AMOTL2: variants seen among roughly 807,000 people sequenced by gnomAD.
AMOTL2 encodes angiomotin-like protein 2.
A neutral mutation model predicts 78.4 loss-of-function variants in AMOTL2; 33 were observed. The ratio of observed to expected loss-of-function variants is 0.42; its 90% CI spans 0.32 to 0.56. The LOEUF (loss-of-function observed/expected upper bound fraction) is 0.56, where lower values mean the gene tolerates loss of function less well. Ranked by LOEUF, AMOTL2 falls within the 20% of genes least tolerant of loss-of-function variation. The pLI is 0.12. For missense variants in AMOTL2, 983 were observed against 1,030.1 expected, an observed-to-expected ratio of 0.95 and a Z score of 0.63; for synonymous variants, 422 against 428.8, an observed-to-expected ratio of 0.98 and a Z score of 0.20.
rs189858003 is a variant in AMOTL2, at chr3:134,366,675, C to G, written c.1042-248G>C. 3.3e-5 allele frequency: 14 copies of G among 419,726 alleles called. No homozygotes were observed. The Admixed American group carries it at 5.0e-4, about 15-fold the overall frequency. 26.0% of individuals were successfully genotyped at this position (419,726 alleles called of 1,614,324 possible). ...ACCAGATGCTGAGTGAACCCAGGGC[C>G]AGGTACTTTGGAAGTAGCTGCCTGC... On this transcript the variant is annotated intron_variant, in intron 3 of 9. Coordinates refer to ENST00000249883, the MANE Select transcript of AMOTL2 (RefSeq NM_016201.4).
At chr3:134,366,877 A>G (rs1210722755) in intron 3 of AMOTL2, 1 of 158,110 alleles carries the variant, frequency 6.3e-6, no homozygotes, top group East Asian at 1.9e-4. Flanking sequence ...GGGAGGCCTG[A>G]GGCCATCTGC....
At chr3:134,374,918 T>G, upstream of AMOTL2, 1 of 1,271,814 alleles carries the variant, frequency 7.9e-7, no homozygotes, top group South Asian at 1.6e-5. Context: ...TGTGTGTGTG[T>G]GTGTGTGTGC....
upstream of AMOTL2, chr3:134,374,487 G>C (rs1280336535): frequency 4.1e-6 from 4 of 985,436 alleles, no homozygotes; most frequent in Non-Finnish European, 2.4e-6. Context: ...GGGTCGGCCC[G>C]CGCCGGAGGC....
At chr3:134,375,021 T>C, upstream of AMOTL2, 3 of 1,437,486 alleles carry the variant, frequency 2.1e-6, no homozygotes, top group Non-Finnish European at 2.7e-6. Context: ...GCTAAGTGAA[T>C]GCTTCCAGCC....
intron 3 of AMOTL2, chr3:134,366,829 G>C (rs1432373800): frequency 5.7e-6 from 1 of 175,342 alleles, no homozygotes; most frequent in Non-Finnish European, 1.2e-5. Context: ...GCCATGATGG[G>C]GTGGTTTGAC....
At position 134,367,803 on chromosome 3, in the gene AMOTL2, C is replaced by G; in HGVS notation, c.735G>C (p.Arg245Ser). The change falls in exon 3 of 10, where the codon AGG becomes AGC. Residue 245 changes from arginine (R) to serine (S), a missense_variant and splice_region_variant. Coordinates refer to ENST00000249883, the MANE Select transcript of AMOTL2 (RefSeq NM_016201.4). ...CAGGAGGCACCTGGGCCTGCAGGAT[C>G]CTGGGGAACAGAAGAGACGGTGCTC... ...GSPHFQHAEV[R>S]ILQAQVPPVF... 6.2e-7 allele frequency: 1 copy of G among 1,613,262 alleles called. No homozygotes were observed. Among genetic ancestry groups the G allele is most frequent in the Non-Finnish European group, 8.5e-7 (1 of 1,179,952 alleles).
intron 2 of AMOTL2, among the ~76,000 whole-genome samples, chr3:134,369,830 C>G (rs1047244549): frequency 6.6e-6 from 1 of 152,180 alleles, no homozygotes; most frequent in Admixed American, 6.5e-5. Context: ...GTCTGCTTCT[C>G]TGGAAAAGAT....
intron 6 of AMOTL2, 45 bp from the exon 7 acceptor site, chr3:134,360,458 G>A (rs764985432): frequency 8.4e-6 from 13 of 1,551,212 alleles, no homozygotes; most frequent in African/African-American, 1.4e-5. Context: ...TGCAGGTTGG[G>A]GTGTGGCAGC....
intron 1 of AMOTL2, chr3:134,373,721 A>G (rs2017972272): frequency 6.1e-6 from 6 of 985,246 alleles, no homozygotes; most frequent in Non-Finnish European, 7.2e-6. Context: ...GCCTGGGGCG[A>G]GCCGGTGAGG....
rs1277339408 is a variant in AMOTL2, at chr3:134,374,447, T to G, written c.-167A>C. The G allele has an allele frequency of 1.0e-6, 1 of 985,328 alleles. No homozygotes were observed. Among genetic ancestry groups the G allele is most frequent in the South Asian group, 4.7e-5 (1 of 21,292 alleles). 61.0% of individuals were successfully genotyped at this position (985,328 alleles called of 1,614,324 possible). ...GTTCTCGGCCGTGGCGCCGACGCTCTGGCTGTTCGCGCCCCAGCGCGCAGC... is the reference window on the plus strand; with the variant it reads ...GTTCTCGGCCGTGGCGCCGACGCTCGGGCTGTTCGCGCCCCAGCGCGCAGC... On this transcript the variant is annotated 5_prime_UTR_variant, in exon 1 of 10. Transcript: ENST00000249883.
chr3:134,371,900 A>G (rs1314220246), intron 1 of AMOTL2: 1 of 196,112 alleles, frequency 5.1e-6, no homozygotes, highest in African/African-American at 2.3e-5. Flanking sequence ...CCACCCGTAC[A>G]GCCAGCTACA....
chr3:134,359,216 TGGCAATCTGTGTTCA>T, intron 8 of AMOTL2, 52 bp downstream of exon 8: 1 of 1,556,894 alleles, frequency 6.4e-7, no homozygotes. Context: ...AGGAAAGGTC[TGGCAATCTGTGTTCA>T]GGCCCAGGAG....
At chr3:134,370,358 T>C (rs1320149114) in intron 2 of AMOTL2, among the ~76,000 whole-genome samples, 3 of 152,222 alleles carry the variant, frequency 2.0e-5, no homozygotes, top group African/African-American at 7.2e-5. Flanking sequence ...GGAAACAGTT[T>C]GGCAATCATT....
Position 134,371,194 on chromosome 3 carries a change from C to T in AMOTL2, c.240G>A (p.Gln80=), listed in dbSNP as rs2017846965. 6.2e-7 allele frequency: 1 copy of T among 1,613,812 alleles called. No individual in the cohort carries two copies. The highest frequency in any genetic ancestry group is 2.2e-5 in the East Asian group (1 of 44,870). Residue 80 remains glutamine (Q), a synonymous_variant, in exon 2 of 10, where the codon CAG becomes CAA. Transcript: ENST00000249883. The part of the protein sequence containing the change: ...TRQEPQGQEH[Q]GGENHLAENT... ...TCTCTGCCAGGTGGTTCTCACCGCC[C>T]TGGTGCTCCTGGCCCTGGGGCTCCT...
At chr3:134,362,633 A>C (rs1455530108) in intron 5 of AMOTL2, among the ~76,000 whole-genome samples, 1 of 152,260 alleles carries the variant, frequency 6.6e-6, no homozygotes, top group Non-Finnish European at 1.5e-5. Context: ...CTATGGCCCA[A>C]AGATTAGTGT....
intron 1 of AMOTL2, chr3:134,371,750 G>GA (rs534403982): frequency 2.3e-3 from 1,045 of 455,184 alleles, no homozygotes; most frequent in East Asian, 2.8e-3. Context: ...TGGAGATGAG[G>GA]AAAAAAAAAG....
upstream of AMOTL2, chr3:134,374,459 C>A (rs532479281): frequency 2.0e-6 from 2 of 985,414 alleles, no homozygotes; most frequent in Non-Finnish European, 2.4e-6. Context: ...GCTGTTCGCG[C>A]CCCAGCGCGC....
At position 134,360,355 on chromosome 3, in the gene AMOTL2, G is replaced by C. The variant is rs1229322799; in HGVS notation, c.1634C>G (p.Ala545Gly). The part of the protein sequence containing the change: ...SGSGGSPELS[A>G]LRLSEQLREK... ...TCGCAGTTGTTCTGACAGTCGCAGG[G>C]CGCTGAGCTCTGGAGACCCACCACT... Residue 545 changes from alanine (A) to glycine (G), a missense_variant, in exon 7 of 10, where the codon GCC (alanine) becomes GGC (glycine). Transcript: ENST00000249883. 3 of 1,613,988 alleles carry C rather than the reference G, an allele frequency of 1.9e-6. No individual in the cohort carries two copies. Among genetic ancestry groups the C allele is most frequent in the African/African-American group, 2.7e-5 (2 of 74,928 alleles).
At chr3:134,368,848 C>T (rs1294466092) in intron 2 of AMOTL2, among the ~76,000 whole-genome samples, 2 of 152,276 alleles carry the variant, frequency 1.3e-5, no homozygotes, top group Middle Eastern at 3.4e-3. Context: ...CCCAGGGCTC[C>T]ATGTTGAGGG....
Sources: allele counts gnomAD v4.1 joint callset (sites outside exome capture counted in the v4.1 genomes callset), GRCh38; gene constraint gnomAD v4.1.1; transcripts MANE v1.5; gene names NCBI Gene and HGNC (gene_info 2026-07-23, HGNC 2026-07-21).